The following CACNA1B variants were observed in gnomAD, a reference collection of about 807,000 sequenced individuals.
CACNA1B encodes the protein calcium voltage-gated channel subunit alpha1 B.
In CACNA1B, 70 loss-of-function variants were observed where a neutral mutation model predicts 247.2. The observed-to-expected ratio is 0.28, with a 90% CI of 0.23 to 0.35. The LOEUF (loss-of-function observed/expected upper bound fraction) is 0.35. Ranked by LOEUF, CACNA1B falls within the 10% of genes least tolerant of loss-of-function variation. The pLI is 1.00. For synonymous variants in CACNA1B, 1,231 were observed against 1,294.4 expected, an observed-to-expected ratio of 0.95 and a Z score of 1.05; for missense variants, 2,367 against 3,197.4, an observed-to-expected ratio of 0.74 and a Z score of 6.26.
At chr9:137,960,229 A>ATACCTGGGAG (rs372087141) in intron 10 of CACNA1B, among the ~76,000 whole-genome samples, 25 of 20,250 alleles carry the variant, frequency 1.2e-3, no homozygotes, top group Admixed American at 1.7e-3. Flanking sequence ...GGCCGGAGGG[A>ATACCTGGGAG]AGCCGGGAGA....
intron 16 of CACNA1B, among the ~76,000 whole-genome samples, chr9:138,009,536 G>T (rs1958697863): frequency 6.6e-6 from 1 of 152,220 alleles, no homozygotes; most frequent in African/African-American, 2.4e-5. Flanking sequence ...CTGCTCACAG[G>T]ACCCAGAAGG....
At chr9:138,116,359 C>T (rs947548851) in intron 42 of CACNA1B, among the ~76,000 whole-genome samples, 1 of 152,228 alleles carries the variant, frequency 6.6e-6, no homozygotes, top group Non-Finnish European at 1.5e-5. Flanking sequence ...CACCCAGAAG[C>T]AGGTGACTTA....
chr9:138,053,831 C>A lies in CACNA1B; in HGVS notation c.3808-15C>A, dbSNP rs1383464576. 35 of 1,608,204 alleles carry A rather than the reference C, an allele frequency of 2.2e-5. No homozygotes were observed. The highest frequency in any genetic ancestry group is 2.9e-5 in the Non-Finnish European group (34 of 1,175,246). On this transcript the variant is annotated splice_polypyrimidine_tract_variant and intron_variant, in intron 25 of 46. Coordinates refer to ENST00000371372, the MANE Select transcript of CACNA1B (RefSeq NM_000718.4). ...ATTCCACCCCCTCATCATGGCTCCACCCCTCCTCCTGCAGGCTGTGTTTGA... is the reference window on the plus strand; with the variant it reads ...ATTCCACCCCCTCATCATGGCTCCAACCCTCCTCCTGCAGGCTGTGTTTGA...
Position 138,057,894 on chromosome 9 carries a change from AG to A in CACNA1B, c.4106+26del, listed in dbSNP as rs1564264228. On this transcript the variant is annotated intron_variant, in intron 27 of 46. Coordinates refer to ENST00000371372, the MANE Select transcript of CACNA1B (RefSeq NM_000718.4). The surrounding 1 kb of genome is among the most constrained non-coding windows in gnomAD (Gnocchi z 4.0). ...TGTGAGTGCTCATCCTGCTCTCCGT[AG>A]CTGGGGCAGGCAGCCCCTGAGCTCG... 2.5e-6 allele frequency: 4 copies of A among 1,596,464 alleles called. No individual in the cohort carries two copies. The South Asian group carries it at 4.4e-5, about 18-fold the overall frequency.
chr9:138,089,437 T>G (rs1027179551), intron 36 of CACNA1B, among the ~76,000 whole-genome samples: 4 of 152,044 alleles, frequency 2.6e-5, no homozygotes, highest in African/African-American at 9.7e-5. Context: ...ATCATCTCAA[T>G]AGACACAGAA....
chr9:137,936,415 T>G (rs2133311873), intron 6 of CACNA1B, among the ~76,000 whole-genome samples: 1 of 152,368 alleles, frequency 6.6e-6, no homozygotes, highest in East Asian at 1.9e-4. Context: ...TGCAAAAATT[T>G]TCTCCCATTC....
chr9:138,099,099 A>G lies in CACNA1B; in HGVS notation c.5222+2488A>G, dbSNP rs528989556. On this transcript the variant is annotated intron_variant, in intron 37 of 46. Coordinates refer to ENST00000371372, the MANE Select transcript of CACNA1B (RefSeq NM_000718.4). ...TGAAACAACAACAAAATTTTATGAG[A>G]TTTCCTGAGTTGTGTGTGCACATGT... Among the ~76,000 whole-genome samples the G allele has an allele frequency of 2.6e-5, 4 of 152,280 alleles. No individual in the cohort carries two copies. The South Asian group carries it at 6.2e-4, about 24-fold the overall frequency.
At chr9:137,901,521 A>C (rs1019651502) in intron 3 of CACNA1B, among the ~76,000 whole-genome samples, 2 of 151,644 alleles carry the variant, frequency 1.3e-5, no homozygotes, top group African/African-American at 2.4e-5. Context: ...CGATGGGGTT[A>C]TTATTATTTT....
rs758677283 is a variant in CACNA1B at position 138,053,929 on chromosome 9, C to G, written c.3891C>G (p.Ala1297=). The G allele has an allele frequency of 2.5e-6, 4 of 1,613,294 alleles. No individual in the cohort carries two copies. The highest frequency in any genetic ancestry group is 1.7e-5 in the Admixed American group (1 of 60,000). ...IVYMLFMFIF[A]VIAVQLFKGK... ...ACATGCTCTTCATGTTCATATTTGC[C>G]GTCATTGCGGTGCAGCTCTTCAAAG... is the stretch of plus-strand genomic sequence containing the variant. Residue 1297 remains alanine (A), a synonymous_variant, in exon 26 of 47, where the codon GCC becomes GCG. Coordinates refer to ENST00000371372, the MANE Select transcript of CACNA1B (RefSeq NM_000718.4).
At chr9:138,068,270 C>T (rs189055792) in intron 31 of CACNA1B, among the ~76,000 whole-genome samples, 51 of 152,260 alleles carry the variant, frequency 3.3e-4, no homozygotes, top group Admixed American at 2.5e-3. Context: ...AGACCCGAGA[C>T]GGCTTCGGAA....
At chr9:137,969,841 C>T (rs1958124549) in intron 10 of CACNA1B, among the ~76,000 whole-genome samples, 1 of 152,100 alleles carries the variant, frequency 6.6e-6, no homozygotes, top group Non-Finnish European at 1.5e-5. Flanking sequence ...GTGTGTGTGC[C>T]CCTCCTTATC....
At chr9:138,084,348 C>A (rs1403549928) in intron 36 of CACNA1B, among the ~76,000 whole-genome samples, 1 of 151,228 alleles carries the variant, frequency 6.6e-6, no homozygotes, top group African/African-American at 2.4e-5. Flanking sequence ...TCAGCTAAGT[C>A]TTCCCATTGT....
rs1005360136 is a variant in CACNA1B at position 138,054,155 on chromosome 9, G to T, written c.3968+149G>T. 2 of 724,264 alleles carry T rather than the reference G, an allele frequency of 2.8e-6. No homozygotes were observed. The highest frequency in any genetic ancestry group is 4.7e-6 in the Non-Finnish European group (2 of 428,110). 44.9% of individuals were successfully genotyped at this position (724,264 alleles called of 1,614,324 possible). ...GACCCTGCCTGAGGGCCGAGGAGGG[G>T]CTTGCTTGAGAAGGGCTAGAGTCAC... is the stretch of plus-strand genomic sequence containing the variant. On this transcript the variant is annotated intron_variant, in intron 26 of 46. Transcript: ENST00000371372. This position sits in a 1 kb window ranked among gnomAD's most constrained non-coding sequence, Gnocchi z 4.6.
Position 138,050,925 on chromosome 9 carries a change from C to T in CACNA1B, c.3711-1167C>T, listed in dbSNP as rs183760364. Among the ~76,000 whole-genome samples the T allele has an allele frequency of 1.1e-4, 16 of 152,178 alleles. No individual in the cohort carries two copies. In the East Asian group the frequency reaches 2.5e-3, roughly 24 times the overall value. On this transcript the variant is annotated intron_variant, in intron 24 of 46. Transcript: ENST00000371372. This position sits in a 1 kb window ranked among gnomAD's most constrained non-coding sequence, Gnocchi z 5.2. ...AAGAAGGGGACCAGGGTGCCTGAGA[C>T]GTGTAGCTCACTCTCCCTGCTCAGC...
chr9:137,943,801 T>C (rs191450543), intron 6 of CACNA1B, among the ~76,000 whole-genome samples: 1 of 152,270 alleles, frequency 6.6e-6, no homozygotes, highest in Non-Finnish European at 1.5e-5. Flanking sequence ...CTTTGAACAA[T>C]AGGCTCTAGA....
intron 3 of CACNA1B, among the ~76,000 whole-genome samples, chr9:137,886,987 C>T (rs1423788844): frequency 6.7e-6 from 1 of 150,240 alleles, no homozygotes; most frequent in Non-Finnish European, 1.5e-5. Context: ...TCCCAGTCAT[C>T]TTCAGAGCTT....
At chr9:137,901,435 C>T (rs752628459) in intron 3 of CACNA1B, among the ~76,000 whole-genome samples, 2 of 152,308 alleles carry the variant, frequency 1.3e-5, no homozygotes, top group Middle Eastern at 3.4e-3. Flanking sequence ...AAGTGATTTT[C>T]CTGCCTCAGC....
Position 137,882,729 on chromosome 9 carries a change from C to A in CACNA1B, c.391-15C>A. On this transcript the variant is annotated splice_polypyrimidine_tract_variant and intron_variant, in intron 2 of 46. Transcript: ENST00000371372. This position sits in a 1 kb window ranked among gnomAD's most constrained non-coding sequence, Gnocchi z 4.0. Reference sequence around the variant, plus strand: ...GTAGGGGCCAGGGGTGACCACTGTTCTGCGCTTCTCCTAGGACGACACGGA... The same window carrying A: ...GTAGGGGCCAGGGGTGACCACTGTTATGCGCTTCTCCTAGGACGACACGGA... 1 of 1,613,850 alleles carries A rather than the reference C, an allele frequency of 6.2e-7. No individual in the cohort carries two copies. Among genetic ancestry groups the A allele is most frequent in the Non-Finnish European group, 8.5e-7 (1 of 1,179,782 alleles).
In CACNA1B at chr9:138,057,997, A is replaced by AG. The variant is rs753057195; in HGVS notation, c.4107-49dup. ...CTTGTGGTGCAGGTCTTGAGTTCTT[A>AG]GGGCTGTCTCCTTTGGGGGTTCCCC... On this transcript the variant is annotated intron_variant, in intron 27 of 46. Transcript: ENST00000371372. The surrounding 1 kb of genome is among the most constrained non-coding windows in gnomAD (Gnocchi z 4.0). The AG allele has an allele frequency of 3.2e-6, 5 of 1,575,036 alleles. No individual in the cohort carries two copies. Among genetic ancestry groups the AG allele is most frequent in the Non-Finnish European group, 4.4e-6 (5 of 1,144,956 alleles).
Sources: allele counts gnomAD v4.1 joint callset (sites outside exome capture counted in the v4.1 genomes callset), GRCh38; gene constraint gnomAD v4.1.1; non-coding constraint Gnocchi (gnomAD v3.1); transcripts MANE v1.5; gene names NCBI Gene and HGNC (gene_info 2026-07-23, HGNC 2026-07-21).